Variants in KANTR observed in about 807,000 individuals in gnomAD.
KANTR encodes KANTR integral membrane protein.
chrX:53,137,842 G>GT (rs1470595412), intron 2 of KANTR, among the ~76,000 whole-genome samples: 10 of 107,902 alleles, frequency 9.3e-5, no homozygotes, highest in African/African-American at 2.4e-4. Context: ...TTTTTGTTTT[G>GT]TTTTTTTGTT....
At chrX:53,113,323 ACAC>A (rs1556814061) in intron 2 of KANTR, 2 of 40,320 alleles carry the variant, frequency 5.0e-5, no homozygotes, top group Non-Finnish European at 1.8e-4. Context: ...GAAAACACAC[ACAC>A]AAAAAAAAAC....
At chrX:53,099,372 C>CA (rs1210661943) in intron 1 of KANTR, 100 bp from the exon 2 acceptor site, 165 of 103,980 alleles carry the variant, frequency 1.6e-3, no homozygotes, top group Middle Eastern at 4.9e-3. Flanking sequence ...GACTCCATCT[C>CA]AAAAAAAAAA....
chrX:53,136,284 G>A (rs1302011047), intron 2 of KANTR, among the ~76,000 whole-genome samples: 1 of 111,150 alleles, frequency 9.0e-6, no homozygotes, highest in Non-Finnish European at 1.9e-5. Context: ...TGTCGCCCAG[G>A]CTGGAGTGCA....
exon 3 of KANTR, chrX:53,124,064 T>TTTTA (rs1556815868): frequency 4.4e-6 from 1 of 225,492 alleles, no homozygotes; most frequent in Non-Finnish European, 7.9e-6. Flanking sequence ...GCCTGCTATT[T>TTTTA]TTTGTTTGTT....
chrX:53,129,505 C>A (rs1180080081), downstream of KANTR, among the ~76,000 whole-genome samples: 1 of 110,187 alleles, frequency 9.1e-6, no homozygotes, highest in Non-Finnish European at 1.9e-5. Flanking sequence ...TCCCTTTATT[C>A]TTCTTAAAAG....
At chrX:53,110,871 C>T (rs1185238235) in intron 2 of KANTR, among the ~76,000 whole-genome samples, 1 of 107,212 alleles carries the variant, frequency 9.3e-6, no homozygotes, top group African/African-American at 3.4e-5. Context: ...TGCAATGAGC[C>T]GAGATTGCGC....
chrX:53,099,312 G>A (rs1932870713), intron 1 of KANTR, among the ~76,000 whole-genome samples, 160 bp from the exon 2 acceptor site: 1 of 111,227 alleles, frequency 9.0e-6, no homozygotes, highest in Non-Finnish European at 1.9e-5. Context: ...GACGGAGGTT[G>A]CAGTGAGCTG....
chrX:53,113,590 A>C (rs1403364418), intron 2 of KANTR, among the ~76,000 whole-genome samples: 2 of 41,873 alleles, frequency 4.8e-5, no homozygotes, highest in East Asian at 1.6e-3. Context: ...TTTTTTTTTG[A>C]GGTGGAGTCT....
chrX:53,136,726 ATATATT>A (rs1933429525), intron 2 of KANTR, among the ~76,000 whole-genome samples: 1 of 45,386 alleles, frequency 2.2e-5, no homozygotes, highest in African/African-American at 6.4e-5. Flanking sequence ...ATATATATAT[ATATATT>A]TTGTTTGTTT....
intron 1 of KANTR, among the ~76,000 whole-genome samples, chrX:53,097,357 T>G (rs1233092351): frequency 7.3e-5 from 6 of 82,088 alleles, no homozygotes; most frequent in African/African-American, 2.4e-4. Context: ...TAAGTTTTTT[T>G]TTTTTTTTTT....
intron 2 of KANTR, among the ~76,000 whole-genome samples, chrX:53,105,717 C>G (rs1445350528): frequency 9.7e-6 from 1 of 103,123 alleles, no homozygotes; most frequent in Non-Finnish European, 2.0e-5. Context: ...CCAGGCTGAT[C>G]TCGAACTCCT....
At chrX:53,108,611 T>C (rs115190758) in intron 2 of KANTR, among the ~76,000 whole-genome samples, 1,757 of 112,282 alleles carry the variant, frequency 0.016, 33 homozygotes, top group African/African-American at 0.054. Context: ...TTAGTTCAAA[T>C]AGTTTTTTGG....
At chrX:53,124,258 G>GT in exon 3 of KANTR, 1 of 296,238 alleles carries the variant, frequency 3.4e-6, no homozygotes. Context: ...TCTGTGCTGT[G>GT]TATGAACTGT....
intron 2 of KANTR, among the ~76,000 whole-genome samples, chrX:53,111,274 G>A (rs112421431): frequency 5.4e-4 from 59 of 109,496 alleles, no homozygotes; most frequent in African/African-American, 1.8e-3. Flanking sequence ...CTCCTGCCTC[G>A]GCCTCCTAAA....
Position 53,097,350 on chromosome X carries a change from G to GTTTTTTTTTTTTTT in KANTR, c.-941-2115_-941-2102dup, listed in dbSNP as rs781783647. On this transcript the variant is annotated intron_variant, in intron 1 of 2. Transcript: ENST00000604062. Reference sequence around the variant, plus strand: ...ACAACCCTTTTTTCATTTGTTTTAAGTTTTTTTTTTTTTTTTTTTTGAGAC... The same window carrying GTTTTTTTTTTTTTT: ...ACAACCCTTTTTTCATTTGTTTTAAGTTTTTTTTTTTTTTTTTTTTTTTTTTTTTTTTTTGAGAC... Among the ~76,000 whole-genome samples, 7 of 67,976 alleles carry GTTTTTTTTTTTTTT rather than the reference G, an allele frequency of 1.0e-4. 1 individual carries two copies. The highest frequency in any genetic ancestry group is 2.4e-4 in the Admixed American group (1 of 4,169). 59.0% of individuals were successfully genotyped at this position (67,976 alleles called of 115,157 possible).
chrX:53,132,571 T>C (rs1556817157), intron 2 of KANTR, among the ~76,000 whole-genome samples: 1 of 112,134 alleles, frequency 8.9e-6, no homozygotes, highest in Non-Finnish European at 1.9e-5. Context: ...CCAAGTCCTT[T>C]AGTGGGGATA....
intron 2 of KANTR, among the ~76,000 whole-genome samples, chrX:53,120,327 C>T (rs782022277): frequency 6.0e-4 from 67 of 111,426 alleles, no homozygotes; most frequent in Admixed American, 1.5e-3. Flanking sequence ...GGGGTTACCA[C>T]GCTCGGCCCC....
chrX:53,127,895 A>G (rs1446367863), downstream of KANTR, among the ~76,000 whole-genome samples: 4 of 111,356 alleles, frequency 3.6e-5, no homozygotes, highest in Admixed American at 2.9e-4. Context: ...TGGTGGTGGT[A>G]GGGGGGCTGC....
chrX:53,114,297 C>T lies in KANTR; in HGVS notation c.-804-9172C>T, dbSNP rs186092177. The stretch of plus-strand genomic sequence containing the variant: ...CTCGGCTCAAGCAGTCTGCCCGCCT[C>T]GGCCTCCCAGAGTGCTCGGGATTAT... On this transcript the variant is annotated intron_variant, in intron 2 of 2. Coordinates refer to ENST00000604062, the Ensembl canonical transcript of KANTR. Among the ~76,000 whole-genome samples, 1,088 of 112,809 alleles carry T rather than the reference C, an allele frequency of 9.6e-3. 14 individuals are homozygous for T. Among genetic ancestry groups the T allele is most frequent in the Non-Finnish European group, 0.014 (747 of 53,309 alleles).
Sources: gnomAD v4.1 joint callset for allele counts (sites outside exome capture counted in the v4.1 genomes callset) on GRCh38, gnomAD v4.1.1 for gene constraint, MANE v1.5 for transcripts, NCBI Gene and HGNC (gene_info 2026-07-23, HGNC 2026-07-21) for gene names.